NKAIN2: variants seen among roughly 807,000 people sequenced by gnomAD.
The protein encoded by NKAIN2 is sodium/potassium-transporting ATPase subunit beta-1-interacting protein 2.
In NKAIN2, 14 loss-of-function variants were observed where a neutral mutation model predicts 32.6. The observed-to-expected ratio is 0.43, with a 90% CI of 0.28 to 0.67. NKAIN2 has a LOEUF of 0.67. Among genes scored for constraint, NKAIN2 ranks in the 30% least tolerant of loss-of-function variants. The probability of loss-of-function intolerance (pLI) is 0.17; values close to 1 mark genes in which losing one functional copy is unlikely to be tolerated. For missense variants in NKAIN2, 198 were observed against 258.3 expected (o/e 0.77, Z 1.60); for synonymous variants, 80 against 87.2 (o/e 0.92, Z 0.46).
chr6:124,523,454 C>T (rs1038392013), intron 3 of NKAIN2, among the ~76,000 whole-genome samples: 2 of 151,410 alleles, frequency 1.3e-5, no homozygotes, highest in Non-Finnish European at 2.9e-5. Flanking sequence ...ATGCCATTTT[C>T]GCACTTTTCC....
chr6:124,471,747 T>C (rs764539676), intron 3 of NKAIN2, among the ~76,000 whole-genome samples: 1 of 152,146 alleles, frequency 6.6e-6, no homozygotes, highest in Non-Finnish European at 1.5e-5. Context: ...TTTAATTAAG[T>C]ACATTTAGAC....
chr6:124,347,769 C>T (rs899155526), intron 2 of NKAIN2, among the ~76,000 whole-genome samples: 1 of 152,106 alleles, frequency 6.6e-6, no homozygotes, highest in African/African-American at 2.4e-5. Flanking sequence ...GCTTCTTTGC[C>T]TTTGGTTTGA....
chr6:124,406,997 C>T (rs1773890502), intron 3 of NKAIN2, among the ~76,000 whole-genome samples: 1 of 151,978 alleles, frequency 6.6e-6, no homozygotes, highest in Non-Finnish European at 1.5e-5. Context: ...ATATGACTTA[C>T]AAATTTTGCC....
intron 3 of NKAIN2, among the ~76,000 whole-genome samples, chr6:124,610,781 T>C (rs1021984505): frequency 1.3e-5 from 2 of 152,164 alleles, no homozygotes; most frequent in Non-Finnish European, 2.9e-5. Flanking sequence ...AGATTAGAAA[T>C]TTTAAAATGA....
At chr6:124,776,693 C>A (rs1201916738) in intron 4 of NKAIN2, among the ~76,000 whole-genome samples, 1 of 152,082 alleles carries the variant, frequency 6.6e-6, no homozygotes, top group African/African-American at 2.4e-5. Context: ...TATTATACAC[C>A]GTAATTTTTA....
intron 3 of NKAIN2, among the ~76,000 whole-genome samples, chr6:124,467,044 G>A (rs2114663036): frequency 6.6e-6 from 1 of 152,162 alleles, no homozygotes; most frequent in African/African-American, 2.4e-5. Flanking sequence ...CTGCTTGTAT[G>A]ATAATAAACA....
intron 2 of NKAIN2, among the ~76,000 whole-genome samples, chr6:124,311,653 C>T (rs1054937120): frequency 3.9e-5 from 6 of 152,060 alleles, no homozygotes; most frequent in African/African-American, 2.4e-5. Context: ...GAGTTAATAA[C>T]GTGAGAGGCA....
intron 1 of NKAIN2, among the ~76,000 whole-genome samples, chr6:124,180,882 C>A (rs566676129): frequency 8.0e-4 from 122 of 152,148 alleles, no homozygotes; most frequent in African/African-American, 2.9e-3. Context: ...GATCTACTAT[C>A]GTGGGGTCTG....
chr6:124,288,015 G>GA (rs202196274), intron 2 of NKAIN2, among the ~76,000 whole-genome samples: 4 of 149,374 alleles, frequency 2.7e-5, no homozygotes, highest in East Asian at 3.9e-4. Flanking sequence ...CTCCAAACTA[G>GA]AAAAAAAAAG....
chr6:123,939,153 C>G (rs1277295099), intron 1 of NKAIN2, among the ~76,000 whole-genome samples: 1 of 151,834 alleles, frequency 6.6e-6, no homozygotes, highest in Non-Finnish European at 1.5e-5. Flanking sequence ...AACCAAGAGG[C>G]TTGGGGTTCT....
chr6:124,361,434 T>C (rs951528265), intron 3 of NKAIN2, among the ~76,000 whole-genome samples: 4 of 152,024 alleles, frequency 2.6e-5, no homozygotes, highest in African/African-American at 7.2e-5. Context: ...AATAAACTTA[T>C]AGAGCGTAAA....
chr6:124,630,488 T>G (rs477242), intron 3 of NKAIN2, among the ~76,000 whole-genome samples: 82,158 of 151,898 alleles, frequency 0.54, 24,485 homozygotes, highest in African/African-American at 0.82. Context: ...TATAGAGAAT[T>G]ATGGCCATGG....
chr6:124,321,702 C>T (rs1797199241), intron 2 of NKAIN2, among the ~76,000 whole-genome samples: 1 of 152,068 alleles, frequency 6.6e-6, no homozygotes, highest in Admixed American at 6.6e-5. Context: ...ATAACCTGAG[C>T]TCTGGATGGC....
intron 4 of NKAIN2, among the ~76,000 whole-genome samples, chr6:124,673,031 G>A (rs989344602): frequency 1.3e-5 from 2 of 151,934 alleles, no homozygotes; most frequent in African/African-American, 4.8e-5. Flanking sequence ...TCATTGAACA[G>A]CAACTCCTCA....
intron 3 of NKAIN2, among the ~76,000 whole-genome samples, chr6:124,479,370 T>C (rs915074744): frequency 6.6e-6 from 1 of 152,204 alleles, no homozygotes; most frequent in Non-Finnish European, 1.5e-5. Context: ...CAACTCTCTG[T>C]ACTTTCTTCA....
intron 1 of NKAIN2, among the ~76,000 whole-genome samples, chr6:123,932,406 CTTTTTTTTTTT>C (rs57063550): frequency 5.7e-5 from 6 of 104,388 alleles, no homozygotes; most frequent in African/African-American, 2.5e-4. Flanking sequence ...TTCTGTCTTT[CTTTTTTTTTTT>C]TTTTTTTTTT....
chr6:124,303,155 G>C (rs1032068455), intron 2 of NKAIN2, among the ~76,000 whole-genome samples: 1 of 152,160 alleles, frequency 6.6e-6, no homozygotes, highest in African/African-American at 2.4e-5. Flanking sequence ...AACAACTTGT[G>C]AAGATTACAG....
chr6:124,249,702 C>T (rs79016925), intron 1 of NKAIN2, among the ~76,000 whole-genome samples: 83 of 152,162 alleles, frequency 5.5e-4, no homozygotes, highest in African/African-American at 1.8e-3. Flanking sequence ...GTTTAGTGGA[C>T]ACCCAGTCTA....
At position 124,726,390 on chromosome 6, in the gene NKAIN2, G is replaced by C. The variant is rs1285232418; in HGVS notation, c.475-64949G>C. 4.8e-4 allele frequency among the ~76,000 whole-genome samples: 73 copies of C among 152,158 alleles called. 2 individuals carry two copies. The East Asian group carries it at 0.014, about 29-fold the overall frequency. On this transcript the variant is annotated intron_variant, in intron 4 of 6. Coordinates refer to ENST00000368417, the MANE Select transcript of NKAIN2 (RefSeq NM_001040214.3). ...ACGGGCAGACTGCCTCCTCAAGTGG[G>C]TCCCTGACCCATGACCCCTGAGCAG...
Sources: allele counts gnomAD v4.1 joint callset (sites outside exome capture counted in the v4.1 genomes callset), GRCh38; gene constraint gnomAD v4.1.1; transcripts MANE v1.5; gene names NCBI Gene and HGNC (gene_info 2026-07-23, HGNC 2026-07-21).